GABRG3: variants seen among roughly 807,000 people sequenced by gnomAD.
GABRG3 encodes the protein gamma-aminobutyric acid receptor subunit gamma-3.
Under a neutral mutation model 48.8 loss-of-function variants are expected in GABRG3, and 25 were observed. The ratio of observed to expected loss-of-function variants is 0.51; its 90% CI spans 0.37 to 0.72. GABRG3 has a LOEUF of 0.72. Ranked by LOEUF, GABRG3 falls within the 30% of genes least tolerant of loss-of-function variation. The probability of loss-of-function intolerance (pLI) is 0.00; values close to 1 mark genes in which losing one functional copy is unlikely to be tolerated. For missense variants in GABRG3, 394 were observed against 577.9 expected, an observed-to-expected ratio of 0.68 and a Z score of 3.26; for synonymous variants, 227 against 217.6, an observed-to-expected ratio of 1.04 and a Z score of -0.38.
At chr15:27,026,562 T>A (rs1895986611) in intron 2 of GABRG3, among the ~76,000 whole-genome samples, 192 bp from the exon 3 acceptor site, 1 of 152,212 alleles carries the variant, frequency 6.6e-6, no homozygotes, top group Non-Finnish European at 1.5e-5. Flanking sequence ...TCTCTCATCC[T>A]TCGAGAATTT....
At chr15:27,181,385 G>A (rs906552084) in intron 3 of GABRG3, among the ~76,000 whole-genome samples, 4 of 152,184 alleles carry the variant, frequency 2.6e-5, no homozygotes, top group African/African-American at 7.2e-5. Context: ...TGTTTTGGGG[G>A]AAGATTTGTA....
chr15:27,224,905 C>T (rs57969977), intron 3 of GABRG3, among the ~76,000 whole-genome samples: 1 of 151,524 alleles, frequency 6.6e-6, no homozygotes, highest in African/African-American at 2.4e-5. Context: ...TTAATGGGAC[C>T]CTAGGTTTCC....
At chr15:27,302,271 T>C (rs962947165) in intron 3 of GABRG3, among the ~76,000 whole-genome samples, 3 of 152,062 alleles carry the variant, frequency 2.0e-5, no homozygotes, top group Non-Finnish European at 4.4e-5. Context: ...GGTAACGGAA[T>C]CTATAAGATA....
intron 2 of GABRG3, among the ~76,000 whole-genome samples, chr15:27,016,314 T>G (rs891435271): frequency 2.0e-5 from 3 of 151,754 alleles, no homozygotes. Flanking sequence ...ACTTCAGCTT[T>G]ACTTTATCTG....
At chr15:27,463,502 G>A (rs549503572) in intron 5 of GABRG3, among the ~76,000 whole-genome samples, 53 of 152,320 alleles carry the variant, frequency 3.5e-4, no homozygotes, top group Middle Eastern at 3.4e-3. Context: ...GATGAAAGCT[G>A]AAACTCCCTG....
At chr15:27,418,027 A>G (rs1418158411) in intron 5 of GABRG3, among the ~76,000 whole-genome samples, 1 of 152,172 alleles carries the variant, frequency 6.6e-6, no homozygotes. Context: ...GGCTCAGGAG[A>G]TGTGCCTGAG....
intron 3 of GABRG3, among the ~76,000 whole-genome samples, chr15:27,292,277 CGGGGGGTGGGGG>C (rs1415369350): frequency 5.0e-5 from 2 of 39,814 alleles, no homozygotes; most frequent in East Asian, 1.1e-3. Context: ...CAGGGCCTGT[CGGGGGGTGGGGG>C]GCTAGGGGAG....
chr15:27,226,320 G>T lies in GABRG3; in HGVS notation c.271-100489G>T, dbSNP rs555340100. 4.6e-5 allele frequency among the ~76,000 whole-genome samples: 7 copies of T among 152,264 alleles called. No homozygotes were observed. The East Asian group carries it at 1.4e-3, about 29-fold the overall frequency. The stretch of plus-strand genomic sequence containing the variant: ...CGGGTGCTGCTGACATGGACAATGT[G>T]CTCTCAGGGACTGAGCGTGGTCAGG... On this transcript the variant is annotated intron_variant, in intron 3 of 9. Transcript: ENST00000615808.
At chr15:27,016,474 C>G (rs1460089286) in intron 2 of GABRG3, among the ~76,000 whole-genome samples, 2 of 152,084 alleles carry the variant, frequency 1.3e-5, no homozygotes, top group Non-Finnish European at 2.9e-5. Flanking sequence ...AGGTTATAAT[C>G]TAATACAAGC....
chr15:27,314,203 A>G (rs1049884512), intron 3 of GABRG3, among the ~76,000 whole-genome samples: 3 of 152,214 alleles, frequency 2.0e-5, no homozygotes, highest in African/African-American at 7.2e-5. Context: ...GTGAAGTCCT[A>G]CAATTTGACA....
At chr15:26,985,204 C>A (rs959589355) in intron 2 of GABRG3, among the ~76,000 whole-genome samples, 2 of 152,194 alleles carry the variant, frequency 1.3e-5, no homozygotes, top group Non-Finnish European at 2.9e-5. Context: ...CCCACCTGGG[C>A]AGGAATGCTG....
At chr15:27,022,416 G>T (rs927113193) in intron 2 of GABRG3, among the ~76,000 whole-genome samples, 21 of 152,112 alleles carry the variant, frequency 1.4e-4, no homozygotes, top group Admixed American at 3.9e-4. Context: ...GGGGCCCAGG[G>T]CCAAATAAGG....
At chr15:27,141,323 C>T (rs528434011) in intron 3 of GABRG3, among the ~76,000 whole-genome samples, 2 of 152,246 alleles carry the variant, frequency 1.3e-5, no homozygotes, top group South Asian at 2.1e-4. Context: ...CTAGGTTAAG[C>T]TCCAAGGTGC....
At chr15:27,019,133 A>C (rs960051241) in intron 2 of GABRG3, among the ~76,000 whole-genome samples, 1 of 117,434 alleles carries the variant, frequency 8.5e-6, no homozygotes, top group Non-Finnish European at 1.6e-5. Context: ...CTGTGGTGCG[A>C]TCTGGGCTCA....
At chr15:26,971,871 G>A (rs1456984146) in intron 1 of GABRG3, among the ~76,000 whole-genome samples, 1 of 152,128 alleles carries the variant, frequency 6.6e-6, no homozygotes, top group East Asian at 1.9e-4. Flanking sequence ...TGAGAACCAG[G>A]TTCAGGGGGC....
chr15:27,399,294 T>C (rs953185496), intron 5 of GABRG3, among the ~76,000 whole-genome samples: 2 of 152,096 alleles, frequency 1.3e-5, no homozygotes, highest in African/African-American at 4.8e-5. Flanking sequence ...GAAAAATAAA[T>C]GGATGTCAGT....
intron 6 of GABRG3, among the ~76,000 whole-genome samples, chr15:27,501,432 T>C (rs8027309): frequency 0.1 from 15,228 of 151,986 alleles, 1,461 homozygotes; most frequent in East Asian, 0.33. Context: ...GAGCATCAGG[T>C]TAGTCTTCGA....
At chr15:27,070,239 A>T (rs1321733387) in intron 3 of GABRG3, among the ~76,000 whole-genome samples, 2 of 152,250 alleles carry the variant, frequency 1.3e-5, no homozygotes, top group Admixed American at 6.5e-5. Flanking sequence ...AGTGCCGTAT[A>T]CAAAGAGACA....
rs146526564 is a variant in GABRG3 at position 27,320,259 on chromosome 15, C to T, written c.271-6550C>T. Among the ~76,000 whole-genome samples, 203 of 152,314 alleles carry T rather than the reference C, an allele frequency of 1.3e-3. 1 individual carries two copies. Among genetic ancestry groups the T allele is most frequent in the African/African-American group, 4.4e-3 (181 of 41,572 alleles). ...TTTCTCCTCTGACATCCCCTGTCAC[C>T]TGCTCCTTTTATTAAGGGCAGGTGA... On this transcript the variant is annotated intron_variant, in intron 3 of 9. Transcript: ENST00000615808.
Sources: gnomAD v4.1 joint callset for allele counts (sites outside exome capture counted in the v4.1 genomes callset) on GRCh38, gnomAD v4.1.1 for gene constraint, MANE v1.5 for transcripts, NCBI Gene and HGNC (gene_info 2026-07-23, HGNC 2026-07-21) for gene names.